Variants in LMBRD1 observed in about 807,000 individuals in gnomAD.
LMBRD1 encodes the protein LMBR1 domain containing 1, also known as lysosomal cobalamin transport escort protein LMBD1.
LMBRD1 carries 64 observed loss-of-function variants against 74.8 expected under a neutral mutation model. The observed-to-expected ratio is 0.86, with a 90% CI of 0.70 to 1.05. The LOEUF (loss-of-function observed/expected upper bound fraction) is 1.05, where lower values mean the gene tolerates loss of function less well. Among genes scored for constraint, LMBRD1 ranks in the 50% least tolerant of loss-of-function variants. LMBRD1 has a pLI of 0.00. For missense variants in LMBRD1, 652 were observed against 645.9 expected, an observed-to-expected ratio of 1.01 and a Z score of -0.10; for synonymous variants, 204 against 216.3, an observed-to-expected ratio of 0.94 and a Z score of 0.50.
At position 69,675,040 on chromosome 6, in the gene LMBRD1, A is replaced by G. The variant is rs1765518470; in HGVS notation, c.*1118T>C. ...GAATGAAATCCTGGTGAATAATGCT[A>G]AAGGGTAGTTGCAGAAGCAGAAGCC... On this transcript the variant is annotated 3_prime_UTR_variant, in exon 16 of 16. Transcript: ENST00000649934. 2.0e-5 allele frequency among the ~76,000 whole-genome samples: 3 copies of G among 152,166 alleles called. No individual in the cohort carries two copies. The highest frequency in any genetic ancestry group is 2.0e-4 in the Admixed American group (3 of 15,268).
chr6:69,749,109 C>CA (rs1278849812), intron 5 of LMBRD1, among the ~76,000 whole-genome samples: 1 of 151,854 alleles, frequency 6.6e-6, no homozygotes, highest in African/African-American at 2.4e-5. Context: ...AGAATGCATG[C>CA]AAGAAGGGAG....
chr6:69,733,531 G>A (rs899121471), intron 7 of LMBRD1, among the ~76,000 whole-genome samples: 2 of 152,112 alleles, frequency 1.3e-5, no homozygotes, highest in African/African-American at 4.8e-5. Context: ...TCAGGTAATA[G>A]ATTTTAAACA....
intron 9 of LMBRD1, among the ~76,000 whole-genome samples, chr6:69,707,369 G>T (rs559786550): frequency 3.9e-5 from 6 of 152,084 alleles, no homozygotes; most frequent in African/African-American, 9.7e-5. Flanking sequence ...CATCTGTAAG[G>T]TTCCTTTGCC....
chr6:69,764,332 A>ACTCT (rs113092782), intron 3 of LMBRD1, among the ~76,000 whole-genome samples: 38 of 147,858 alleles, frequency 2.6e-4, no homozygotes, highest in African/African-American at 7.7e-4. Context: ...TCGTTACCTC[A>ACTCT]CTCTCTCTCT....
At chr6:69,701,808 C>T (rs1766137082) in intron 10 of LMBRD1, 81 bp downstream of exon 10, 1 of 977,814 alleles carries the variant, frequency 1.0e-6, no homozygotes, top group Non-Finnish European at 1.6e-6. Context: ...GAACAGCCTA[C>T]ACTAATGGCA....
chr6:69,676,597 T>G, intron 14 of LMBRD1, 56 bp from the exon 15 acceptor site: 8 of 1,289,276 alleles, frequency 6.2e-6, no homozygotes, highest in Non-Finnish European at 9.0e-6. Flanking sequence ...AAATTGATGA[T>G]TAATACTTTC....
intron 14 of LMBRD1, among the ~76,000 whole-genome samples, chr6:69,681,599 A>T (rs1015907989): frequency 1.4e-5 from 2 of 138,252 alleles, no homozygotes; most frequent in African/African-American, 5.6e-5. Context: ...TTTGCATTTT[A>T]TAAAACAAAG....
intron 2 of LMBRD1, among the ~76,000 whole-genome samples, chr6:69,781,461 C>T (rs28497909): frequency 0.016 from 2,467 of 152,160 alleles, 53 homozygotes; most frequent in African/African-American, 0.056. Flanking sequence ...TCTATGAGTG[C>T]TCTTAAAAAA....
At chr6:69,776,123 A>T (rs1042782132) in intron 3 of LMBRD1, among the ~76,000 whole-genome samples, 6 of 152,232 alleles carry the variant, frequency 3.9e-5, no homozygotes, top group Non-Finnish European at 5.9e-5. Flanking sequence ...CACTGAACAA[A>T]TATTTTCCAA....
At chr6:69,693,401 TA>T (rs1262352950) in intron 14 of LMBRD1, among the ~76,000 whole-genome samples, 2 of 152,026 alleles carry the variant, frequency 1.3e-5, no homozygotes, top group Non-Finnish European at 2.9e-5. Flanking sequence ...GCCTCATATA[TA>T]AACAATATTA....
intron 1 of LMBRD1, among the ~76,000 whole-genome samples, chr6:69,792,468 C>T (rs558985971): frequency 9.3e-4 from 142 of 152,302 alleles, no homozygotes; most frequent in Admixed American, 2.6e-3. Flanking sequence ...TAAAACCCAT[C>T]CAAGTTGCTG....
chr6:69,740,273 A>G (rs1350599951), intron 6 of LMBRD1, among the ~76,000 whole-genome samples: 1 of 152,204 alleles, frequency 6.6e-6, no homozygotes, highest in Non-Finnish European at 1.5e-5. Flanking sequence ...TGTATTCTAG[A>G]ATATGGTGTT....
intron 14 of LMBRD1, among the ~76,000 whole-genome samples, chr6:69,692,992 T>C (rs1360840610): frequency 6.6e-6 from 1 of 152,152 alleles, no homozygotes; most frequent in Non-Finnish European, 1.5e-5. Context: ...CAAATATTTA[T>C]AGTTTCCAAA....
chr6:69,688,105 C>A (rs750294124), intron 14 of LMBRD1, among the ~76,000 whole-genome samples: 1 of 152,066 alleles, frequency 6.6e-6, no homozygotes, highest in African/African-American at 2.4e-5. Context: ...AAGGTATTAA[C>A]GAAGATATTA....
rs201495060 is a variant in LMBRD1, at chr6:69,701,933, G to A, written c.936C>T (p.Phe312=). Reference sequence around the variant, plus strand: ...TTACAAACAGCAATGCAACTAAGATGAAAAATATTCCCCAGACGATCTAAA... The same window carrying A: ...TTACAAACAGCAATGCAACTAAGATAAAAAATATTCCCCAGACGATCTAAA... ...RPLKIVWGIF[F]ILVALLFVIS... is the part of the protein sequence containing the mutation. Residue 312 remains phenylalanine (F), a synonymous_variant, in exon 10 of 16, where the codon TTC becomes TTT. Transcript: ENST00000649934. 2.5e-6 allele frequency: 4 copies of A among 1,601,028 alleles called. No individual in the cohort carries two copies. Among genetic ancestry groups the A allele is most frequent in the Non-Finnish European group, 3.4e-6 (4 of 1,169,088 alleles).
intron 8 of LMBRD1, 94 bp from the exon 9 acceptor site, chr6:69,713,891 G>A (rs1176508319): frequency 1.8e-5 from 24 of 1,366,886 alleles, no homozygotes; most frequent in Non-Finnish European, 2.4e-5. Flanking sequence ...ACCTTTTCAG[G>A]ATGGACACTC....
In LMBRD1 at chr6:69,701,061, T is replaced by G. The variant is rs150074834; in HGVS notation, c.1084-192A>C. ...CAAGTACCAAACTATTACCAAAATTTTTAATACCATTATCTTAAGAAAAAT... is the reference window on the plus strand; with the variant it reads ...CAAGTACCAAACTATTACCAAAATTGTTAATACCATTATCTTAAGAAAAAT... On this transcript the variant is annotated intron_variant, in intron 11 of 15. Coordinates refer to ENST00000649934, the MANE Select transcript of LMBRD1 (RefSeq NM_018368.4). 4.8e-3 allele frequency among the ~76,000 whole-genome samples: 723 copies of G among 151,820 alleles called. 8 individuals carry two copies. The highest frequency in any genetic ancestry group is 0.017 in the Middle Eastern group (5 of 294).
At chr6:69,777,298 A>C (rs1298591667) in intron 3 of LMBRD1, among the ~76,000 whole-genome samples, 1 of 151,928 alleles carries the variant, frequency 6.6e-6, no homozygotes, top group Non-Finnish European at 1.5e-5. Context: ...CTAAAAATAC[A>C]AAAAATTATC....
At chr6:69,697,779 A>G in intron 13 of LMBRD1, 138 bp from the exon 14 acceptor site, 2 of 590,288 alleles carry the variant, frequency 3.4e-6, no homozygotes, top group South Asian at 4.4e-5. Flanking sequence ...ATTTTGTGCA[A>G]CATTGCTCTT....
Sources: gnomAD v4.1 joint callset for allele counts (sites outside exome capture counted in the v4.1 genomes callset) on GRCh38, gnomAD v4.1.1 for gene constraint, MANE v1.5 for transcripts, NCBI Gene and HGNC (gene_info 2026-07-23, HGNC 2026-07-21) for gene names.